The following DOCK3 variants were observed in gnomAD, a reference collection of about 807,000 sequenced individuals.
DOCK3 encodes dedicator of cytokinesis protein 3.
A neutral mutation model predicts 265.6 loss-of-function variants in DOCK3; 60 were observed. That is an observed-to-expected ratio of 0.23 (90% CI 0.18 to 0.28). DOCK3 has a LOEUF of 0.28. Among genes scored for constraint, DOCK3 ranks in the 10% least tolerant of loss-of-function variants. The pLI is 1.00. For missense variants in DOCK3, 1,981 were observed against 2,594.3 expected (o/e 0.76, Z 5.14); for synonymous variants, 881 against 938.0 (o/e 0.94, Z 1.11).
chr3:50,793,188 T>C (rs2042579421), intron 2 of DOCK3, among the ~76,000 whole-genome samples: 1 of 152,182 alleles, frequency 6.6e-6, no homozygotes, highest in Admixed American at 6.5e-5. Flanking sequence ...TTTTGGTTTA[T>C]ATGTATAGAG....
intron 5 of DOCK3, among the ~76,000 whole-genome samples, chr3:51,063,047 A>G (rs910309816): frequency 1.1e-4 from 16 of 152,204 alleles, no homozygotes; most frequent in Non-Finnish European, 1.9e-4. Context: ...GATTCCTAAC[A>G]TCTTCTAGTT....
At chr3:50,683,018 C>T (rs1256396161) in intron 1 of DOCK3, among the ~76,000 whole-genome samples, 1 of 152,210 alleles carries the variant, frequency 6.6e-6, no homozygotes, top group African/African-American at 2.4e-5. Flanking sequence ...CACCTCAGAA[C>T]CAGGCATGCA....
At chr3:50,739,714 G>A (rs2038890066) in intron 1 of DOCK3, among the ~76,000 whole-genome samples, 1 of 152,078 alleles carries the variant, frequency 6.6e-6, no homozygotes, top group Admixed American at 6.6e-5. Flanking sequence ...TTACTGCACA[G>A]TCCTGGATTT....
At chr3:51,140,504 C>T (rs1462302361) in intron 9 of DOCK3, among the ~76,000 whole-genome samples, 1 of 152,060 alleles carries the variant, frequency 6.6e-6, no homozygotes, top group Non-Finnish European at 1.5e-5. Flanking sequence ...ATCCACTTGT[C>T]AGTGGATATT....
intron 27 of DOCK3, among the ~76,000 whole-genome samples, chr3:51,292,372 CA>C (rs931262473): frequency 6.6e-6 from 1 of 151,644 alleles, no homozygotes; most frequent in African/African-American, 2.4e-5. Flanking sequence ...AAAGACTCTA[CA>C]AAAAAAACCT....
intron 1 of DOCK3, among the ~76,000 whole-genome samples, chr3:50,722,598 A>G (rs945413927): frequency 6.6e-6 from 1 of 152,126 alleles, no homozygotes; most frequent in African/African-American, 2.4e-5. Flanking sequence ...ATGAAGGAGG[A>G]TAAAGCGATT....
intron 50 of DOCK3, among the ~76,000 whole-genome samples, chr3:51,375,282 T>G (rs916641888): frequency 6.6e-6 from 1 of 152,226 alleles, no homozygotes; most frequent in Non-Finnish European, 1.5e-5. Context: ...GCTTGGCAGC[T>G]GCCCATTAAA....
chr3:51,297,925 A>C (rs1023721501), intron 27 of DOCK3, among the ~76,000 whole-genome samples: 1 of 152,046 alleles, frequency 6.6e-6, no homozygotes. Flanking sequence ...AGTCGATGCT[A>C]CAGTGAACTA....
At chr3:50,970,935 ATATATATATATAAT>A (rs2077202633) in intron 5 of DOCK3, among the ~76,000 whole-genome samples, 2 of 73,138 alleles carry the variant, frequency 2.7e-5, no homozygotes, top group Non-Finnish European at 5.2e-5. Flanking sequence ...ATATATATAT[ATATATATATATAAT>A]GTGTGTGTGT....
chr3:51,011,641 ATC>A (rs2078956106), intron 5 of DOCK3, among the ~76,000 whole-genome samples: 3 of 152,326 alleles, frequency 2.0e-5, no homozygotes, highest in South Asian at 2.1e-4. Context: ...GTCATTCTCT[ATC>A]CAGCTTTGTT....
Position 51,160,657 on chromosome 3 carries a change from T to G in DOCK3, c.992T>G (p.Leu331Arg), listed in dbSNP as rs1200896042. The change falls in exon 12 of 53, where the codon CTC (leucine) becomes CGC (arginine). Residue 331 changes from leucine to arginine, a missense_variant. Leu to Arg is a moderately radical substitution (Grantham distance 102, BLOSUM62 -2). Coordinates refer to ENST00000266037, the MANE Select transcript of DOCK3 (RefSeq NM_004947.5). Reference protein sequence around the residue: ...VLSILDVLQSLTEVKEEKDFV... With the variant: ...VLSILDVLQSRTEVKEEKDFV... Reference sequence around the variant, plus strand: ...AGCATCTTGGATGTCCTACAGTCACTCACAGAAGTAAAGGAAGAAAAGGAT... The same window carrying G: ...AGCATCTTGGATGTCCTACAGTCACGCACAGAAGTAAAGGAAGAAAAGGAT... 1 of 1,613,074 alleles carries G rather than the reference T, an allele frequency of 6.2e-7. No homozygotes were observed. Among genetic ancestry groups the G allele is most frequent in the Admixed American group, 1.7e-5 (1 of 59,872 alleles).
intron 3 of DOCK3, among the ~76,000 whole-genome samples, chr3:50,879,314 A>AT (rs1258386403): frequency 2.0e-5 from 3 of 152,234 alleles, no homozygotes; most frequent in Admixed American, 2.0e-4. Context: ...AACTGCTCCA[A>AT]TTGAAAGACA....
At chr3:51,158,485 A>C (rs1326524760) in intron 10 of DOCK3, among the ~76,000 whole-genome samples, 1 of 152,186 alleles carries the variant, frequency 6.6e-6, no homozygotes, top group Non-Finnish European at 1.5e-5. Context: ...ACAAGGCTGC[A>C]GTGAGCCGTG....
At chr3:51,037,254 C>G (rs1268525379) in intron 5 of DOCK3, among the ~76,000 whole-genome samples, 7 of 152,066 alleles carry the variant, frequency 4.6e-5, no homozygotes, top group Admixed American at 3.9e-4. Flanking sequence ...CTTTAGAAGT[C>G]TCCTGTGTTC....
chr3:51,048,451 G>A (rs1296753650), intron 5 of DOCK3, among the ~76,000 whole-genome samples: 2 of 152,174 alleles, frequency 1.3e-5, no homozygotes, highest in Non-Finnish European at 2.9e-5. Context: ...TATGTAATGA[G>A]ATATCTTGGA....
intron 10 of DOCK3, among the ~76,000 whole-genome samples, chr3:51,147,890 G>C (rs1329643157): frequency 6.6e-6 from 1 of 152,158 alleles, no homozygotes; most frequent in Non-Finnish European, 1.5e-5. Context: ...GGTATTTCTA[G>C]TTCTAGATCC....
chr3:51,234,983 G>A (rs763460623), intron 19 of DOCK3, among the ~76,000 whole-genome samples: 1 of 152,176 alleles, frequency 6.6e-6, no homozygotes, highest in Non-Finnish European at 1.5e-5. Flanking sequence ...GATTAAATCT[G>A]GAGAAGGCAT....
At chr3:51,245,976 C>T (rs745516092) in intron 21 of DOCK3, among the ~76,000 whole-genome samples, 6 of 152,194 alleles carry the variant, frequency 3.9e-5, no homozygotes, top group Non-Finnish European at 7.4e-5. Flanking sequence ...GTGACCATGG[C>T]GTATACTCCT....
intron 4 of DOCK3, among the ~76,000 whole-genome samples, chr3:50,910,554 G>T (rs1435259825): frequency 6.6e-6 from 1 of 152,116 alleles, no homozygotes; most frequent in African/African-American, 2.4e-5. Flanking sequence ...GTGAACTGGT[G>T]GTGGGGCTAG....
Sources: allele counts gnomAD v4.1 joint callset (sites outside exome capture counted in the v4.1 genomes callset), GRCh38; gene constraint gnomAD v4.1.1; transcripts MANE v1.5; gene names NCBI Gene and HGNC (gene_info 2026-07-23, HGNC 2026-07-21).